The following PTPRN2 variants were observed in gnomAD, a reference collection of about 807,000 sequenced individuals.
PTPRN2 encodes protein tyrosine phosphatase receptor type N2.
PTPRN2 carries 74 observed loss-of-function variants against 118.8 expected under a neutral mutation model. That is an observed-to-expected ratio of 0.62 (90% CI 0.52 to 0.76). The LOEUF (loss-of-function observed/expected upper bound fraction) is 0.76, where lower values mean the gene tolerates loss of function less well. Ranked by LOEUF, PTPRN2 falls within the 30% of genes least tolerant of loss-of-function variation. PTPRN2 has a pLI of 0.00. For synonymous variants in PTPRN2, 641 were observed against 608.0 expected, an observed-to-expected ratio of 1.05 and a Z score of -0.80; for missense variants, 1,481 against 1,394.4, an observed-to-expected ratio of 1.06 and a Z score of -0.99.
At chr7:158,152,401 C>A (rs569118932) in intron 6 of PTPRN2, among the ~76,000 whole-genome samples, 11 of 152,188 alleles carry the variant, frequency 7.2e-5, no homozygotes, top group South Asian at 4.1e-4. Context: ...TAGCAGTGAG[C>A]ACTAAGGCCG....
chr7:158,545,363 C>T (rs1377591792), intron 1 of PTPRN2, among the ~76,000 whole-genome samples: 4 of 152,212 alleles, frequency 2.6e-5, no homozygotes, highest in African/African-American at 9.7e-5. Context: ...AGTGGGAGGC[C>T]ACATGCGTTC....
rs1469743409 is a variant in PTPRN2, at chr7:157,783,178, C to G, written c.1789-100241G>C. On this transcript the variant is annotated intron_variant, in intron 12 of 22. Coordinates refer to ENST00000389418, the MANE Select transcript of PTPRN2 (RefSeq NM_002847.5). ...GTAAGTTTCCTGAGGCCTCCTCAGC[C>G]CTGCAGAACTGTGAGTCCATTAAAC... Among the ~76,000 whole-genome samples the G allele has an allele frequency of 2.6e-5, 4 of 152,164 alleles. No individual in the cohort carries two copies. In the East Asian group the frequency reaches 7.7e-4, roughly 29 times the overall value.
chr7:158,317,052 G>A (rs536851178), intron 2 of PTPRN2, 120 bp from the exon 3 acceptor site: 19 of 702,676 alleles, frequency 2.7e-5, no homozygotes, highest in East Asian at 2.1e-4. Context: ...TTTGGAGCAC[G>A]GCGTCACCAG....
chr7:158,176,741 G>A (rs953681781), intron 5 of PTPRN2, among the ~76,000 whole-genome samples: 2 of 152,158 alleles, frequency 1.3e-5, no homozygotes, highest in African/African-American at 4.8e-5. Context: ...CATGCCCTGG[G>A]GCCAATTTTC....
At chr7:158,418,664 C>A (rs965737099) in intron 2 of PTPRN2, among the ~76,000 whole-genome samples, 4 of 151,030 alleles carry the variant, frequency 2.6e-5, no homozygotes, top group African/African-American at 7.3e-5. Context: ...CTCTCAGTGT[C>A]CCCCTGTGTT....
At chr7:157,574,721 A>G (rs1224735428) in intron 19 of PTPRN2, among the ~76,000 whole-genome samples, 1 of 152,258 alleles carries the variant, frequency 6.6e-6, no homozygotes, top group African/African-American at 2.4e-5. Context: ...TGCAGCATGA[A>G]GATGGCCGGT....
chr7:158,027,081 C>T lies in PTPRN2; in HGVS notation c.1723+54217G>A, dbSNP rs575575260. Among the ~76,000 whole-genome samples, 11 of 152,324 alleles carry T rather than the reference C, an allele frequency of 7.2e-5. No homozygotes were observed. In the East Asian group the frequency reaches 9.7e-4, roughly 13 times the overall value. ...ATCATCTCCGCTGACCAGGCAGGTC[C>T]GGGGTCCTAGAACCAACAGGGCTCA... On this transcript the variant is annotated intron_variant, in intron 11 of 22. Transcript: ENST00000389418.
At chr7:158,281,498 C>T (rs1286941737) in intron 3 of PTPRN2, among the ~76,000 whole-genome samples, 2 of 152,206 alleles carry the variant, frequency 1.3e-5, no homozygotes, top group Non-Finnish European at 2.9e-5. Flanking sequence ...GTATAAGAGA[C>T]ATTGTCATAT....
chr7:158,235,929 C>CA (rs147342182), intron 3 of PTPRN2, among the ~76,000 whole-genome samples: 5,932 of 138,056 alleles, frequency 0.043, 139 homozygotes, highest in African/African-American at 0.07. Flanking sequence ...ACCTCCACAA[C>CA]AAGCAGGAAG....
intron 11 of PTPRN2, among the ~76,000 whole-genome samples, chr7:157,937,516 T>TA (rs1386671374): frequency 6.6e-6 from 1 of 152,226 alleles, no homozygotes; most frequent in Non-Finnish European, 1.5e-5. Flanking sequence ...GATGAGAGAA[T>TA]AAAGCCGTGT....
chr7:157,830,376 G>A (rs1333592717), intron 12 of PTPRN2, among the ~76,000 whole-genome samples: 1 of 152,186 alleles, frequency 6.6e-6, no homozygotes, highest in Non-Finnish European at 1.5e-5. Flanking sequence ...ACCAAGGGAA[G>A]AATTTACCTT....
intron 17 of PTPRN2, 87 bp downstream of exon 17, chr7:157,595,151 G>T: frequency 8.2e-7 from 1 of 1,226,928 alleles, no homozygotes; most frequent in Non-Finnish European, 1.2e-6. Flanking sequence ...AAGTTTGATT[G>T]GCCTAATCAG....
chr7:157,726,759 G>A (rs928338440), intron 12 of PTPRN2, among the ~76,000 whole-genome samples: 1 of 152,222 alleles, frequency 6.6e-6, no homozygotes, highest in Non-Finnish European at 1.5e-5. Context: ...AAATTGCAGT[G>A]GGGGATTAAT....
intron 10 of PTPRN2, among the ~76,000 whole-genome samples, chr7:158,106,311 C>T (rs1242193466): frequency 2.0e-5 from 3 of 152,142 alleles, no homozygotes; most frequent in East Asian, 3.9e-4. Flanking sequence ...CAAGTGGCAT[C>T]TCCAGCTCCT....
chr7:157,946,872 C>T lies in PTPRN2; in HGVS notation c.1724-48135G>A, dbSNP rs189893434. On this transcript the variant is annotated intron_variant, in intron 11 of 22. Transcript: ENST00000389418. ...ACCACCAGTGTGGACGGCCGGGGCC[C>T]GACACTGCCGGAGACCCTCTGAGAG... Among the ~76,000 whole-genome samples, 8 of 152,284 alleles carry T rather than the reference C, an allele frequency of 5.3e-5. No individual in the cohort carries two copies. The East Asian group carries it at 1.2e-3, about 22-fold the overall frequency.
At chr7:158,361,934 T>C (rs1310791778) in intron 2 of PTPRN2, among the ~76,000 whole-genome samples, 1 of 152,176 alleles carries the variant, frequency 6.6e-6, no homozygotes, top group Non-Finnish European at 1.5e-5. Context: ...GCCTGGACCC[T>C]GCCTATGGAG....
rs187061380 is a variant in PTPRN2 at position 158,246,773 on chromosome 7, C to G, written c.278-41500G>C. 9.7e-4 allele frequency among the ~76,000 whole-genome samples: 148 copies of G among 152,118 alleles called. 3 individuals carry two copies. The highest frequency in any genetic ancestry group is 3.4e-3 in the African/African-American group (139 of 41,454). ...CGACAGTGAATCCAGGGGTGACGTC[C>G]CCCAGGCGTGTGCTTCCCATGGCCA... On this transcript the variant is annotated intron_variant, in intron 3 of 22. Coordinates refer to ENST00000389418, the MANE Select transcript of PTPRN2 (RefSeq NM_002847.5).
chr7:158,388,863 C>T (rs1252081574), intron 2 of PTPRN2, among the ~76,000 whole-genome samples: 2 of 152,222 alleles, frequency 1.3e-5, no homozygotes, highest in Non-Finnish European at 2.9e-5. Flanking sequence ...ACACAAACTC[C>T]AAATACATAC....
At position 157,550,654 on chromosome 7, in the gene PTPRN2, TC is replaced by T. The variant is rs1424516999; in HGVS notation, c.2903-1636del. ...AAGCTGGCCGTCCCTCCAGCTCCCA[TC>T]CCCTGGTTAAAGGACCCCATTCTCC... On this transcript the variant is annotated intron_variant, in intron 21 of 22. Coordinates refer to ENST00000389418, the MANE Select transcript of PTPRN2 (RefSeq NM_002847.5). This position sits in a 1 kb window ranked among gnomAD's most constrained non-coding sequence, Gnocchi z 5.2. Among the ~76,000 whole-genome samples, 2 of 152,112 alleles carry T rather than the reference TC, an allele frequency of 1.3e-5. No individual in the cohort carries two copies. The highest frequency in any genetic ancestry group is 2.9e-5 in the Non-Finnish European group (2 of 68,012).
Sources: gnomAD v4.1 joint callset for allele counts (sites outside exome capture counted in the v4.1 genomes callset) on GRCh38, gnomAD v4.1.1 for gene constraint, Gnocchi (gnomAD v3.1) non-coding constraint, MANE v1.5 for transcripts, NCBI Gene and HGNC (gene_info 2026-07-23, HGNC 2026-07-21) for gene names.